The following UNC13C variants were observed in gnomAD, a reference collection of about 807,000 sequenced individuals.
UNC13C encodes protein unc-13 homolog C.
A neutral mutation model predicts 245.4 loss-of-function variants in UNC13C; 174 were observed. That is an observed-to-expected ratio of 0.71 (90% CI 0.63 to 0.80). The LOEUF (loss-of-function observed/expected upper bound fraction) is 0.80, where lower values mean the gene tolerates loss of function less well. Ranked by LOEUF, UNC13C falls within the 30% of genes least tolerant of loss-of-function variation. UNC13C has a pLI of 0.00. For synonymous variants in UNC13C, 992 were observed against 895.1 expected (o/e 1.11, Z -1.93); for missense variants, 2,829 against 2,602.9 (o/e 1.09, Z -1.89).
chr15:54,551,355 A>C (rs1254406917), intron 28 of UNC13C, among the ~76,000 whole-genome samples: 1 of 152,086 alleles, frequency 6.6e-6, no homozygotes, highest in Non-Finnish European at 1.5e-5. Flanking sequence ...GCTCTGAGGA[A>C]GTATGATCAC....
At chr15:54,364,053 G>A (rs549046278) in intron 17 of UNC13C, among the ~76,000 whole-genome samples, 6 of 152,164 alleles carry the variant, frequency 3.9e-5, no homozygotes, top group African/African-American at 1.4e-4. Context: ...TAGTGATTTA[G>A]TGCTGATTGG....
chr15:54,259,415 G>A (rs754006872), intron 8 of UNC13C, among the ~76,000 whole-genome samples: 6 of 152,314 alleles, frequency 3.9e-5, no homozygotes, highest in South Asian at 2.1e-4. Context: ...GGCGGAAGGC[G>A]AAAGGCATGT....
At chr15:53,986,308 A>G (rs1894139511) in intron 1 of UNC13C, among the ~76,000 whole-genome samples, 1 of 152,054 alleles carries the variant, frequency 6.6e-6, no homozygotes, top group Admixed American at 6.6e-5. Flanking sequence ...TCTAGAATCT[A>G]TTGAGATAAA....
intron 13 of UNC13C, among the ~76,000 whole-genome samples, chr15:54,301,006 G>A (rs557259339): frequency 6.7e-6 from 1 of 150,284 alleles, no homozygotes; most frequent in South Asian, 2.1e-4. Flanking sequence ...TTTCAGTGAG[G>A]ATTTAGAACT....
intron 2 of UNC13C, among the ~76,000 whole-genome samples, chr15:54,094,789 T>C (rs568964200): frequency 1.9e-4 from 29 of 152,330 alleles, no homozygotes; most frequent in African/African-American, 7.0e-4. Flanking sequence ...CAGCTATCTC[T>C]GAGTTTTGGC....
intron 2 of UNC13C, among the ~76,000 whole-genome samples, chr15:54,044,789 G>T (rs534988538): frequency 1.3e-5 from 2 of 152,064 alleles, no homozygotes. Flanking sequence ...CCATCATCTC[G>T]TGTAGCTGCT....
At chr15:54,197,292 C>T (rs993645853) in intron 4 of UNC13C, among the ~76,000 whole-genome samples, 2 of 151,980 alleles carry the variant, frequency 1.3e-5, no homozygotes, top group Non-Finnish European at 2.9e-5. Flanking sequence ...GCCTGGCCAA[C>T]ATGGCAAAAC....
chr15:54,206,321 C>G (rs1256733459), intron 4 of UNC13C, among the ~76,000 whole-genome samples: 2 of 151,962 alleles, frequency 1.3e-5, no homozygotes, highest in African/African-American at 4.8e-5. Flanking sequence ...CCAATCAAGT[C>G]AAGTGATAAT....
the UNC13C span, among the ~76,000 whole-genome samples, chr15:53,952,646 T>C: frequency 2.6e-5 from 4 of 152,174 alleles, no homozygotes; most frequent in Non-Finnish European, 4.4e-5. Context: ...ATCAGAATTG[T>C]TTTAATAAAA....
intron 4 of UNC13C, among the ~76,000 whole-genome samples, chr15:54,180,178 C>T (rs76848546): frequency 0.17 from 26,173 of 151,730 alleles, 2,663 homozygotes; most frequent in East Asian, 0.24. Flanking sequence ...TCTGATAGTC[C>T]CCGGTTTCTA....
chr15:54,044,489 T>C (rs934069728), intron 2 of UNC13C: 3 of 250,496 alleles, frequency 1.2e-5, no homozygotes, highest in Non-Finnish European at 2.5e-5. Context: ...TTTAACTGTT[T>C]GAAGAATTTC....
At chr15:53,864,234 C>T in the UNC13C span, among the ~76,000 whole-genome samples, 5 of 152,220 alleles carry the variant, frequency 3.3e-5, no homozygotes, top group East Asian at 5.8e-4. Context: ...TGAAAACTGA[C>T]TGAAAATATG....
rs1170916792 is a variant in UNC13C at position 54,549,574 on chromosome 15, A to G, written c.5821-61A>G. ...GAAATTATCTGTTGACTGCATTTCT[A>G]TTGTGACTAATACTGAATATCTTAA... is the stretch of plus-strand genomic sequence containing the variant. On this transcript the variant is annotated intron_variant, in intron 27 of 32. Transcript: ENST00000260323. 6 of 1,248,024 alleles carry G rather than the reference A, an allele frequency of 4.8e-6. No individual in the cohort carries two copies. In the South Asian group the frequency reaches 5.6e-5, roughly 12 times the overall value. The allele number at this position is 1,248,024 out of a possible 1,614,324, so 77.3% of individuals were successfully genotyped here. A position where few individuals can be genotyped will look rare whatever the true frequency, so the allele number is the denominator to read the frequency against.
chr15:54,216,039 T>A (rs1189414306), intron 4 of UNC13C, among the ~76,000 whole-genome samples: 1 of 151,840 alleles, frequency 6.6e-6, no homozygotes. Context: ...CAAATGTACA[T>A]GGTGATCCAA....
intron 2 of UNC13C, among the ~76,000 whole-genome samples, chr15:54,042,174 A>G (rs1327016158): frequency 6.8e-6 from 1 of 147,364 alleles, no homozygotes; most frequent in Non-Finnish European, 1.5e-5. Flanking sequence ...GGAATACTCA[A>G]CCTCTATAAA....
the UNC13C span, chr15:53,911,400 A>G: frequency 6.6e-6 from 1 of 152,308 alleles, no homozygotes; most frequent in Non-Finnish European, 1.5e-5. Flanking sequence ...ATCCATCAGA[A>G]GGTAGAACAT....
intron 17 of UNC13C, among the ~76,000 whole-genome samples, chr15:54,378,223 T>C (rs2039648274): frequency 6.6e-6 from 1 of 152,318 alleles, no homozygotes; most frequent in East Asian, 1.9e-4. Context: ...CTTCTAGTCT[T>C]CTGTACAACA....
intron 30 of UNC13C, among the ~76,000 whole-genome samples, chr15:54,596,206 T>G (rs1899075368): frequency 6.6e-6 from 1 of 152,104 alleles, no homozygotes; most frequent in South Asian, 2.1e-4. Flanking sequence ...AAAGTTGTAT[T>G]TTTTTCATGG....
chr15:54,041,179 A>G (rs1431830184), intron 2 of UNC13C, among the ~76,000 whole-genome samples: 1 of 152,214 alleles, frequency 6.6e-6, no homozygotes, highest in East Asian at 1.9e-4. Flanking sequence ...AGATGGTAGT[A>G]TATATAAAAC....
Sources: gnomAD v4.1 joint callset for allele counts (sites outside exome capture counted in the v4.1 genomes callset) on GRCh38, gnomAD v4.1.1 for gene constraint, MANE v1.5 for transcripts, NCBI Gene and HGNC (gene_info 2026-07-23, HGNC 2026-07-21) for gene names.